The following ARHGAP24 variants were observed in gnomAD, a reference collection of about 807,000 sequenced individuals.
ARHGAP24 encodes the protein Rho GTPase activating protein 24, also known as rho GTPase-activating protein 24.
A neutral mutation model predicts 76.4 loss-of-function variants in ARHGAP24; 50 were observed. The observed-to-expected ratio is 0.65, with a 90% confidence interval of 0.52 to 0.83. The LOEUF (loss-of-function observed/expected upper bound fraction) is 0.83. Among genes scored for constraint, ARHGAP24 ranks in the 40% least tolerant of loss-of-function variants. ARHGAP24 has a pLI of 0.00. For synonymous variants in ARHGAP24, 345 were observed against 323.3 expected, an observed-to-expected ratio of 1.07 and a Z score of -0.72; for missense variants, 930 against 914.2, an observed-to-expected ratio of 1.02 and a Z score of -0.22.
Position 85,904,370 on chromosome 4 carries a change from A to G in ARHGAP24, c.269-19278A>G, listed in dbSNP as rs1734662081. 2.0e-5 allele frequency among the ~76,000 whole-genome samples: 3 copies of G among 152,004 alleles called. No individual in the cohort carries two copies. The South Asian group carries it at 6.2e-4, about 32-fold the overall frequency. On this transcript the variant is annotated intron_variant, in intron 3 of 9. Coordinates refer to ENST00000395184, the MANE Select transcript of ARHGAP24 (RefSeq NM_001025616.3). ...AAATAACTACATTTTTCTTTTGAGA[A>G]CTCACTATCATGGAAACAGCACCAA...
At chr4:85,945,421 C>T (rs1049976149) in intron 5 of ARHGAP24, among the ~76,000 whole-genome samples, 5 of 151,516 alleles carry the variant, frequency 3.3e-5, no homozygotes, top group South Asian at 4.2e-4. Flanking sequence ...AATAGTGCAA[C>T]GAGTGTAAAT....
Position 85,893,945 on chromosome 4 carries a change from G to C in ARHGAP24, c.269-29703G>C, listed in dbSNP as rs1177535741. Among the ~76,000 whole-genome samples, 23 of 112,852 alleles carry C rather than the reference G, an allele frequency of 2.0e-4. 2 individuals carry two copies. The allele number at this position is 112,852 out of a possible 152,430, so 74.0% of individuals were successfully genotyped here. On this transcript the variant is annotated intron_variant, in intron 3 of 9. Transcript: ENST00000395184. ...AGGGGAATATCACACTCTGGGGACT[G>C]TGGTGGGGTGGGGGGAGGGGGGAGG...
chr4:85,496,648 T>C (rs900446598), intron 1 of ARHGAP24, among the ~76,000 whole-genome samples: 6 of 152,148 alleles, frequency 3.9e-5, no homozygotes, highest in African/African-American at 1.2e-4. Context: ...ACTGTGAAGA[T>C]TAACATGTAG....
At chr4:85,590,192 G>GCCTGCCTTCCTT in intron 2 of ARHGAP24, among the ~76,000 whole-genome samples, 1 of 111,312 alleles carries the variant, frequency 9.0e-6, no homozygotes, top group African/African-American at 3.4e-5. Flanking sequence ...CTGCCTGCCT[G>GCCTGCCTTCCTT]CCTTCCTTCC....
At chr4:85,920,807 C>G (rs887740801) in intron 3 of ARHGAP24, among the ~76,000 whole-genome samples, 2 of 152,124 alleles carry the variant, frequency 1.3e-5, no homozygotes, top group South Asian at 4.2e-4. Flanking sequence ...AAATGCAAAT[C>G]AAAACCACAA....
At chr4:85,745,989 A>G (rs954252501) in intron 3 of ARHGAP24, among the ~76,000 whole-genome samples, 29 of 152,202 alleles carry the variant, frequency 1.9e-4, no homozygotes, top group Admixed American at 2.0e-4. Context: ...AATTGAACAC[A>G]TTTACTGTTA....
intron 5 of ARHGAP24, among the ~76,000 whole-genome samples, chr4:85,959,542 C>G (rs756263259): frequency 1.3e-5 from 2 of 152,114 alleles, no homozygotes; most frequent in Non-Finnish European, 2.9e-5. Flanking sequence ...TAGTTTTTCC[C>G]TTTTATTGAA....
chr4:85,592,863 A>G (rs1728173489), intron 2 of ARHGAP24, among the ~76,000 whole-genome samples: 1 of 152,024 alleles, frequency 6.6e-6, no homozygotes. Flanking sequence ...TGCATACCAC[A>G]TTTTCTTTAT....
At chr4:85,923,898 T>G (rs1215740928) in intron 4 of ARHGAP24, 128 bp downstream of exon 4, 1 of 1,372,250 alleles carries the variant, frequency 7.3e-7, no homozygotes, top group Non-Finnish European at 1.0e-6. Context: ...TTGTAAATTG[T>G]TCAACATTAT....
intron 3 of ARHGAP24, among the ~76,000 whole-genome samples, chr4:85,796,350 TA>T (rs70948757): frequency 6.6e-6 from 1 of 151,994 alleles, no homozygotes; most frequent in Non-Finnish European, 1.5e-5. Context: ...AGTCTATCTT[TA>T]AAAAATATGG....
intron 3 of ARHGAP24, chr4:85,779,035 AC>A: frequency 1.0e-6 from 1 of 973,784 alleles, no homozygotes; most frequent in Non-Finnish European, 1.2e-6. Context: ...TGGTCATTTG[AC>A]CTTTTTTTCC....
intron 8 of ARHGAP24, among the ~76,000 whole-genome samples, chr4:85,983,650 C>A (rs1397198166): frequency 1.3e-5 from 2 of 152,132 alleles, no homozygotes; most frequent in Non-Finnish European, 2.9e-5. Context: ...AAATGCAAAT[C>A]AAAACTACAG....
At chr4:85,617,545 G>A (rs905097179) in intron 2 of ARHGAP24, among the ~76,000 whole-genome samples, 1 of 151,912 alleles carries the variant, frequency 6.6e-6, no homozygotes, top group African/African-American at 2.4e-5. Context: ...TATAGTTATT[G>A]ATATAGACAT....
chr4:85,551,872 C>T (rs752806457), intron 1 of ARHGAP24, among the ~76,000 whole-genome samples: 1 of 151,748 alleles, frequency 6.6e-6, no homozygotes, highest in Admixed American at 6.6e-5. Context: ...TTGGTCATGT[C>T]CCTTTGTCAT....
At chr4:85,997,685 A>AGG (rs1201161826) in intron 9 of ARHGAP24, among the ~76,000 whole-genome samples, 1 of 151,552 alleles carries the variant, frequency 6.6e-6, no homozygotes, top group Non-Finnish European at 1.5e-5. Flanking sequence ...ACAGAGTCTC[A>AGG]CTCTGTTGCC....
rs6832632 is a variant in ARHGAP24, at chr4:85,671,240, C to A, written c.181-50645C>A. Among the ~76,000 whole-genome samples the A allele has an allele frequency of 6.9e-3, 1,049 of 152,212 alleles. 14 individuals carry two copies. The highest frequency in any genetic ancestry group is 0.024 in the African/African-American group (978 of 41,554). On this transcript the variant is annotated intron_variant, in intron 2 of 9. Coordinates refer to ENST00000395184, the MANE Select transcript of ARHGAP24 (RefSeq NM_001025616.3). ...GCCTTTCCTTCCCTTGATTCATCCA[C>A]CTGCAAAAAGCCTGACTATCTTTCT...
chr4:85,857,655 G>T (rs938971237), intron 3 of ARHGAP24, among the ~76,000 whole-genome samples: 5 of 152,216 alleles, frequency 3.3e-5, no homozygotes, highest in African/African-American at 1.2e-4. Context: ...AGAAGCAAAA[G>T]ATAGTAGATC....
At chr4:85,827,140 C>T (rs549254219) in intron 3 of ARHGAP24, among the ~76,000 whole-genome samples, 1 of 152,082 alleles carries the variant, frequency 6.6e-6, no homozygotes, top group East Asian at 1.9e-4. Flanking sequence ...CATGCATAAT[C>T]GAGACTGATT....
intron 3 of ARHGAP24, among the ~76,000 whole-genome samples, chr4:85,813,630 T>G (rs1445182978): frequency 1.3e-5 from 2 of 151,814 alleles, no homozygotes; most frequent in Non-Finnish European, 2.9e-5. Context: ...AAAATAATTT[T>G]ATTTGATTTT....
Sources: allele counts gnomAD v4.1 joint callset (sites outside exome capture counted in the v4.1 genomes callset), GRCh38; gene constraint gnomAD v4.1.1; transcripts MANE v1.5; gene names NCBI Gene and HGNC (gene_info 2026-07-23, HGNC 2026-07-21).